Variants in LPAR6 observed in about 807,000 individuals in gnomAD.
The protein encoded by LPAR6 is G-protein coupled purinergic receptor P2Y5.
LPAR6 carries 17 observed loss-of-function variants against 22.0 expected under a neutral mutation model. The observed-to-expected ratio is 0.77, with a 90% CI of 0.53 to 1.16. The LOEUF (loss-of-function observed/expected upper bound fraction) is 1.16. Among genes scored for constraint, LPAR6 ranks in the 50% most tolerant of loss-of-function variants. LPAR6 has a pLI of 0.00. For synonymous variants in LPAR6, 136 were observed against 139.8 expected (o/e 0.97, Z 0.19); for missense variants, 384 against 406.9 (o/e 0.94, Z 0.48).
intron 1 of LPAR6, chr13:48,404,037 A>C (rs760170873): frequency 5.3e-5 from 8 of 152,174 alleles, no homozygotes; most frequent in Non-Finnish European, 1.0e-4. Flanking sequence ...CCTCTTTACT[A>C]ATGGATTATA....
intron 1 of LPAR6, among the ~76,000 whole-genome samples, chr13:48,397,667 A>C (rs764802900): frequency 6.6e-6 from 1 of 152,098 alleles, no homozygotes; most frequent in Non-Finnish European, 1.5e-5. Context: ...TATTTAAAAT[A>C]TATCTTTCAA....
At chr13:48,415,190 A>G (rs12583617), upstream of LPAR6, among the ~76,000 whole-genome samples, 2,767 of 152,160 alleles carry the variant, frequency 0.018, 71 homozygotes, top group African/African-American at 0.059. Flanking sequence ...TATTAATTCT[A>G]CTTGGAATAT....
At position 48,412,068 on chromosome 13, in the gene LPAR6, A is replaced by G. The variant is rs757546190; in HGVS notation, c.356T>C (p.Val119Ala). The stretch of plus-strand genomic sequence containing the variant: ...TAGAGTCTTTGACTTAAATGGGTAG[A>G]CAATTGCCAGAAATCGATCTACACT... ...CISVDRFLAIVYPFKSKTLRT... is the reference protein window; with the variant it reads ...CISVDRFLAIAYPFKSKTLRT... The change falls in exon 1 of 1, where the codon GTC (valine) becomes GCC (alanine). Residue 119 changes from valine (V) to alanine (A), a missense_variant. Coordinates refer to ENST00000620633, the MANE Select transcript of LPAR6 (RefSeq NM_001162498.3). 5.6e-6 allele frequency: 9 copies of G among 1,612,684 alleles called. No individual in the cohort carries two copies. Among genetic ancestry groups the G allele is most frequent in the Admixed American group, 1.7e-5 (1 of 59,810 alleles).
chr13:48,418,465 T>C (rs1948951480), intron 2 of LPAR6, among the ~76,000 whole-genome samples: 1 of 152,112 alleles, frequency 6.6e-6, no homozygotes, highest in African/African-American at 2.4e-5. Flanking sequence ...ATGAAGAAAC[T>C]AATGGGCATC....
chr13:48,416,818 G>A (rs150278915), upstream of LPAR6, among the ~76,000 whole-genome samples: 1,916 of 152,252 alleles, frequency 0.013, 44 homozygotes, highest in African/African-American at 0.044. Context: ...CAAAGCCACC[G>A]GGAAGTTTGA....
intron 1 of LPAR6, among the ~76,000 whole-genome samples, chr13:48,432,429 T>C (rs923165863): frequency 6.7e-6 from 1 of 150,100 alleles, no homozygotes; most frequent in Non-Finnish European, 1.5e-5. Flanking sequence ...GTTTTTTTGT[T>C]TTTTTTTTTG....
chr13:48,397,522 T>C (rs1948658103), intron 1 of LPAR6, among the ~76,000 whole-genome samples: 1 of 152,084 alleles, frequency 6.6e-6, no homozygotes, highest in Non-Finnish European at 1.5e-5. Context: ...AGGGATAGCA[T>C]TAGGAAAAAT....
At chr13:48,400,166 C>T (rs992966032) in intron 1 of LPAR6, among the ~76,000 whole-genome samples, 2 of 152,094 alleles carry the variant, frequency 1.3e-5, no homozygotes, top group Non-Finnish European at 2.9e-5. Flanking sequence ...AGACCAGCAT[C>T]AAAATAACTC....
upstream of LPAR6, among the ~76,000 whole-genome samples, chr13:48,415,133 T>C (rs1948886401): frequency 6.6e-6 from 1 of 152,174 alleles, no homozygotes; most frequent in African/African-American, 2.4e-5. Flanking sequence ...CTACTTTTAC[T>C]TTCATTTTGA....
Position 48,413,016 on chromosome 13 carries a change from C to CTTT in LPAR6, c.-596_-594dup, listed in dbSNP as rs986773347. ...CCAGATTGTGGGTAAGCAGAAGAGT[C>CTTT]TTTTAAAGATTCCGAAATAAACTCC... is the stretch of plus-strand genomic sequence containing the variant. On this transcript the variant is annotated 5_prime_UTR_variant, in exon 1 of 1. Transcript: ENST00000620633. 6.0e-6 allele frequency: 1 copy of CTTT among 167,638 alleles called. No individual in the cohort carries two copies. The highest frequency in any genetic ancestry group is 6.5e-5 in the Admixed American group (1 of 15,318). The allele number at this position is 167,638 out of a possible 1,614,324, so 10.4% of individuals were successfully genotyped here.
upstream of LPAR6, among the ~76,000 whole-genome samples, chr13:48,417,795 T>G (rs1391300567): frequency 1.3e-5 from 2 of 152,072 alleles, no homozygotes; most frequent in Non-Finnish European, 2.9e-5. Context: ...AAGATCACCT[T>G]TATGAAATAA....
intron 1 of LPAR6, among the ~76,000 whole-genome samples, chr13:48,424,925 A>C (rs1006929951): frequency 5.3e-5 from 8 of 151,954 alleles, no homozygotes; most frequent in African/African-American, 1.9e-4. Context: ...GTGGTGGCTC[A>C]CACCTGTAAT....
chr13:48,390,599 A>ATC (rs1450524273), intron 1 of LPAR6, among the ~76,000 whole-genome samples: 2 of 152,086 alleles, frequency 1.3e-5, no homozygotes, highest in Non-Finnish European at 2.9e-5. Flanking sequence ...AAAAAAACTA[A>ATC]TCTCTCTCTC....
In LPAR6 at chr13:48,411,944, C is replaced by T. The variant is rs779621787; in HGVS notation, c.480G>A (p.Gln160=). Residue 160 remains glutamine, a synonymous_variant, in exon 1 of 1, where the codon CAG becomes CAA. Transcript: ENST00000620633. ...AGCAGGCTTCTGAGGCATTGTTACCCTGAGAGTGGGTAGACTGAACAAAAA... is the reference window on the plus strand; with the variant it reads ...AGCAGGCTTCTGAGGCATTGTTACCTTGAGAGTGGGTAGACTGAACAAAAA... The part of the protein sequence containing the change: ...PAVFVQSTHS[Q]GNNASEACFE... The T allele has an allele frequency of 1.9e-6, 3 of 1,612,318 alleles. No homozygotes were observed. The highest frequency in any genetic ancestry group is 4.5e-5 in the East Asian group (2 of 44,738).
downstream of LPAR6, among the ~76,000 whole-genome samples, chr13:48,407,435 TCTC>T (rs1276852940): frequency 6.6e-6 from 1 of 152,198 alleles, no homozygotes; most frequent in African/African-American, 2.4e-5. Flanking sequence ...CTGGTGTTAA[TCTC>T]CTGTTCATTT....
At chr13:48,413,177 T>C (rs1044985717), upstream of LPAR6, 6 of 167,172 alleles carry the variant, frequency 3.6e-5, no homozygotes, top group African/African-American at 1.4e-4. Flanking sequence ...AGGCTGGGTT[T>C]GGACAAAGAA....
intron 2 of LPAR6, among the ~76,000 whole-genome samples, chr13:48,420,894 A>G (rs2138241098): frequency 6.6e-6 from 1 of 152,332 alleles, no homozygotes; most frequent in African/African-American, 2.4e-5. Context: ...GAGGACACAA[A>G]CAAATGGAAG....
intron 1 of LPAR6, among the ~76,000 whole-genome samples, chr13:48,440,152 T>C (rs1165805765): frequency 1.3e-5 from 2 of 152,142 alleles, no homozygotes; most frequent in Non-Finnish European, 2.9e-5. Flanking sequence ...CTGGCATGCA[T>C]GTTTAATAAA....
intron 1 of LPAR6, chr13:48,439,955 G>GT (rs1949220568): frequency 2.0e-5 from 3 of 151,586 alleles, no homozygotes; most frequent in Admixed American, 1.3e-4. Context: ...GAGGAGATTA[G>GT]ATAGATACAT....
Sources: gnomAD v4.1 joint callset for allele counts (sites outside exome capture counted in the v4.1 genomes callset) on GRCh38, gnomAD v4.1.1 for gene constraint, MANE v1.5 for transcripts, NCBI Gene and HGNC (gene_info 2026-07-23, HGNC 2026-07-21) for gene names.